The following FBXL2 variants were observed in gnomAD, a reference collection of about 807,000 sequenced individuals.
FBXL2 encodes the protein F-box and leucine rich repeat protein 2.
In FBXL2, 38 loss-of-function variants were observed where a neutral mutation model predicts 69.2. That is an observed-to-expected ratio of 0.55 (90% CI 0.42 to 0.72). The LOEUF (loss-of-function observed/expected upper bound fraction) is 0.72. Among genes scored for constraint, FBXL2 ranks in the 30% least tolerant of loss-of-function variants. The pLI is 0.00. For missense variants in FBXL2, 354 were observed against 520.3 expected (o/e 0.68, Z 3.11); for synonymous variants, 192 against 201.3 (o/e 0.95, Z 0.39).
At chr3:33,363,920 A>T (rs1256612670) in intron 4 of FBXL2, among the ~76,000 whole-genome samples, 2 of 152,142 alleles carry the variant, frequency 1.3e-5, no homozygotes, top group African/African-American at 4.8e-5. Context: ...GTGAGCTATG[A>T]CCACATCACT....
chr3:33,307,118 A>G (rs554470731), intron 2 of FBXL2, among the ~76,000 whole-genome samples: 6 of 152,182 alleles, frequency 3.9e-5, no homozygotes, highest in Non-Finnish European at 8.8e-5. Flanking sequence ...TTACAAAAGG[A>G]AAAATGCTAA....
intron 12 of FBXL2, chr3:33,393,208 A>G (rs538414375): frequency 2.2e-5 from 26 of 1,191,124 alleles, no homozygotes; most frequent in Middle Eastern, 2.4e-4. Flanking sequence ...AATGATTCTC[A>G]TAAGTATTTT....
chr3:33,412,048 G>A, the FBXL2 span, among the ~76,000 whole-genome samples: 4 of 151,968 alleles, frequency 2.6e-5, no homozygotes, highest in African/African-American at 2.4e-5. Context: ...TTAGCCAGAC[G>A]CAGTGGCGCG....
At chr3:33,287,510 C>T (rs368577783) in intron 1 of FBXL2, among the ~76,000 whole-genome samples, 76 of 152,106 alleles carry the variant, frequency 5.0e-4, no homozygotes, top group African/African-American at 1.8e-3. Context: ...GAGACAGGGC[C>T]TCGTTCTGCC....
At position 33,379,894 on chromosome 3, in the gene FBXL2, A is replaced by G. The variant is rs1252001844; in HGVS notation, c.951+1153A>G. On this transcript the variant is annotated intron_variant, in intron 13 of 14. Coordinates refer to ENST00000484457, the MANE Select transcript of FBXL2 (RefSeq NM_012157.5). ...TAATCAACCATATTAACTAAAGAAG[A>G]AAAATTACATGATCACATCAACTAA... is the stretch of plus-strand genomic sequence containing the variant. 2.0e-5 allele frequency among the ~76,000 whole-genome samples: 3 copies of G among 152,200 alleles called. No homozygotes were observed. In the East Asian group the frequency reaches 5.8e-4, roughly 29 times the overall value.
rs1559655866 is a variant in FBXL2, at chr3:33,386,935, A to G, written c.*1327A>G. ...ACTTAAAAGTGAAACGGCAAAAGCA[A>G]GATGTGTTCCCATGACTACCAATAC... is the stretch of plus-strand genomic sequence containing the variant. On this transcript the variant is annotated 3_prime_UTR_variant, in exon 15 of 15. Coordinates refer to ENST00000484457, the MANE Select transcript of FBXL2 (RefSeq NM_012157.5). 1 of 152,238 alleles carries G rather than the reference A, an allele frequency of 6.6e-6. No homozygotes were observed. The allele number at this position is 152,238 out of a possible 1,614,324, so 9.4% of individuals were successfully genotyped here. A position where few individuals can be genotyped will look rare whatever the true frequency, so the allele number is the denominator to read the frequency against.
chr3:33,383,946 A>G, intron 13 of FBXL2, 43 bp from the exon 14 acceptor site: 1 of 1,591,234 alleles, frequency 6.3e-7, no homozygotes. Context: ...TGAGCCTTGG[A>G]ATAAGGGTCC....
intron 2 of FBXL2, among the ~76,000 whole-genome samples, chr3:33,323,802 A>C (rs1248078911): frequency 1.3e-5 from 2 of 152,134 alleles, no homozygotes; most frequent in Admixed American, 6.6e-5. Flanking sequence ...AGAATGATAT[A>C]ATCCTTTGGG....
At chr3:33,367,179 T>C (rs1415409367) in intron 5 of FBXL2, among the ~76,000 whole-genome samples, 1 of 151,756 alleles carries the variant, frequency 6.6e-6, no homozygotes, top group Non-Finnish European at 1.5e-5. Flanking sequence ...CACTGCAACC[T>C]CAAAGGATTC....
At chr3:33,398,412 C>T (rs926813545) in intron 12 of FBXL2, 1 of 152,214 alleles carries the variant, frequency 6.6e-6, no homozygotes, top group African/African-American at 2.4e-5. Flanking sequence ...TCTACTAGGG[C>T]TTACTACATG....
At chr3:33,277,604 G>A in intron 1 of FBXL2, 89 bp downstream of exon 1, 1 of 1,215,180 alleles carries the variant, frequency 8.2e-7, no homozygotes. Context: ...GGTCGGGCAG[G>A]CGGCGCAGGG....
At chr3:33,415,731 C>A in the FBXL2 span, among the ~76,000 whole-genome samples, 1 of 151,784 alleles carries the variant, frequency 6.6e-6, no homozygotes, top group Non-Finnish European at 1.5e-5. Flanking sequence ...AACTTTCCAA[C>A]CCTTTTACAC....
intron 5 of FBXL2, chr3:33,372,730 T>C (rs934869923): frequency 5.7e-5 from 20 of 349,158 alleles, no homozygotes; most frequent in African/African-American, 8.3e-5. Context: ...TTGGTTCAAA[T>C]TGATTTTTTT....
downstream of FBXL2, chr3:33,392,873 A>C (rs1257305391): frequency 9.9e-6 from 4 of 403,812 alleles, no homozygotes; most frequent in African/African-American, 2.1e-5. Context: ...TGCCGGCTCC[A>C]GTGGATGATG....
intron 13 of FBXL2, 192 bp downstream of exon 13, chr3:33,378,933 T>TA: frequency 9.1e-7 from 1 of 1,099,734 alleles, no homozygotes; most frequent in African/African-American, 1.6e-5. Context: ...TTTGCAATTT[T>TA]AAGATTCCCA....
chr3:33,388,568 T>C (rs2043612293), downstream of FBXL2: 1 of 152,544 alleles, frequency 6.6e-6, no homozygotes, highest in Admixed American at 6.5e-5. Flanking sequence ...TTAAATGACA[T>C]TTATTGTTCC....
intron 5 of FBXL2, among the ~76,000 whole-genome samples, chr3:33,365,231 A>G (rs1029738870): frequency 2.6e-5 from 4 of 151,688 alleles, no homozygotes; most frequent in African/African-American, 9.7e-5. Flanking sequence ...AATATATCCT[A>G]TACAACCAAA....
At chr3:33,356,506 C>T (rs1489736188) in intron 2 of FBXL2, among the ~76,000 whole-genome samples, 2 of 152,140 alleles carry the variant, frequency 1.3e-5, no homozygotes, top group Admixed American at 6.6e-5. Flanking sequence ...CACACCACCA[C>T]GCCCAGCTAA....
At chr3:33,399,955 T>G (rs1322391610) in intron 12 of FBXL2, among the ~76,000 whole-genome samples, 1 of 148,226 alleles carries the variant, frequency 6.7e-6, no homozygotes, top group African/African-American at 2.4e-5. Context: ...TGAGGTCACG[T>G]AAGTCTGGTA....
Sources: allele counts gnomAD v4.1 joint callset (sites outside exome capture counted in the v4.1 genomes callset), GRCh38; gene constraint gnomAD v4.1.1; transcripts MANE v1.5; gene names NCBI Gene and HGNC (gene_info 2026-07-23, HGNC 2026-07-21).